The following ASCC3 variants were observed in gnomAD, a reference collection of about 807,000 sequenced individuals.
ASCC3 encodes the protein ASC-1 complex subunit P200.
Under a neutral mutation model 256.3 loss-of-function variants are expected in ASCC3, and 158 were observed. That is an observed-to-expected ratio of 0.62 (90% CI 0.54 to 0.70). ASCC3 has a LOEUF of 0.70. ASCC3 is among the 30% of genes least tolerant of loss of function. ASCC3 has a pLI of 0.00. For missense variants in ASCC3, 2,259 were observed against 2,626.0 expected (o/e 0.86, Z 3.05); for synonymous variants, 948 against 883.4 (o/e 1.07, Z -1.30).
intron 4 of ASCC3, among the ~76,000 whole-genome samples, chr6:100,830,396 C>A (rs1185171293): frequency 6.6e-6 from 1 of 152,118 alleles, no homozygotes; most frequent in African/African-American, 2.4e-5. Context: ...CTAAAACCCA[C>A]TACATAGATA....
chr6:100,516,920 G>T (rs961889858), intron 38 of ASCC3, among the ~76,000 whole-genome samples: 4 of 151,988 alleles, frequency 2.6e-5, no homozygotes, highest in African/African-American at 9.7e-5. Context: ...TACCATAGCA[G>T]ACCTGTGTGC....
Position 100,607,081 on chromosome 6 carries a change from T to C in ASCC3, c.4793A>G (p.Asn1598Ser). 3 of 1,613,582 alleles carry C rather than the reference T, an allele frequency of 1.9e-6. No homozygotes were observed. The highest frequency in any genetic ancestry group is 2.2e-5 in the East Asian group (1 of 44,800). Residue 1598 changes from asparagine to serine, a missense_variant, in exon 31 of 42, where the codon AAC (asparagine) becomes AGC (serine). Physicochemically the swap from Asn to Ser is conservative, Grantham distance 46. Around this residue, in one of 2 missense-constraint regions of ASCC3, gnomAD observed 1,839 missense variants for 2,206.7 expected, o/e 0.83. Coordinates refer to ENST00000369162, the MANE Select transcript of ASCC3 (RefSeq NM_006828.4). ...WLNMDEREME[N>S]IIATVRDSNL... is the part of the protein sequence containing the mutation. ...GGAATCTCTTACTGTTGCAATGATG[T>C]TCTCCATCTGCAAGTAAAAACAAAA...
chr6:100,603,897 T>C (rs1772751424), intron 33 of ASCC3, among the ~76,000 whole-genome samples: 1 of 152,104 alleles, frequency 6.6e-6, no homozygotes, highest in South Asian at 2.1e-4. Flanking sequence ...TATTCCCTTC[T>C]CGTAAATTTT....
intron 10 of ASCC3, among the ~76,000 whole-genome samples, chr6:100,738,123 T>C (rs762809385): frequency 4.6e-5 from 7 of 152,178 alleles, no homozygotes; most frequent in Non-Finnish European, 4.4e-5. Flanking sequence ...TATAAGACCT[T>C]TGTCAGATGG....
chr6:100,652,980 T>C lies in ASCC3; in HGVS notation c.2824-91A>G, dbSNP rs544424987. ...TTATTTATGGAAATTAAAACTTTTCTTAATGTTTTAGTTAGACTTTTTAAT... is the reference window on the plus strand; with the variant it reads ...TTATTTATGGAAATTAAAACTTTTCCTAATGTTTTAGTTAGACTTTTTAAT... On this transcript the variant is annotated intron_variant, in intron 17 of 41. Transcript: ENST00000369162. 6.3e-6 allele frequency: 8 copies of C among 1,271,434 alleles called. No homozygotes were observed. The African/African-American group carries it at 8.9e-5, about 14-fold the overall frequency. The allele number at this position is 1,271,434 out of a possible 1,614,324, so 78.8% of individuals were successfully genotyped here.
intron 34 of ASCC3, among the ~76,000 whole-genome samples, chr6:100,590,304 T>A (rs183960725): frequency 1.3e-3 from 199 of 152,176 alleles, no homozygotes; most frequent in Non-Finnish European, 2.5e-3. Context: ...AGAAGGGACA[T>A]CATCAGGGTA....
In ASCC3 at chr6:100,718,247, T is replaced by G; in HGVS notation, c.1907A>C (p.Glu636Ala). Residue 636 changes from glutamate (E) to alanine (A), a missense_variant, in exon 12 of 42, where the codon GAA (glutamate) becomes GCA (alanine). This residue lies in a region of ASCC3 where 1,839 missense variants were observed against 2,206.7 expected (regional missense o/e 0.83). Transcript: ENST00000369162. Reference protein sequence around the residue: ...SIVARTLRQVESTQSMIRILG... With the variant: ...SIVARTLRQVASTQSMIRILG... ...AATCCTTATCATACTCTGTGTGGAT[T>G]CCACCTATATGGATTATTTTAATTA... 1.3e-6 allele frequency: 2 copies of G among 1,599,656 alleles called. No individual in the cohort carries two copies. Among genetic ancestry groups the G allele is most frequent in the Non-Finnish European group, 1.7e-6 (2 of 1,171,788 alleles).
chr6:100,811,412 T>C (rs1315768011), intron 4 of ASCC3, among the ~76,000 whole-genome samples: 1 of 152,106 alleles, frequency 6.6e-6, no homozygotes, highest in Non-Finnish European at 1.5e-5. Flanking sequence ...AAGTTCAAAA[T>C]ATTCTGATCA....
chr6:100,779,360 T>C (rs1782340847), intron 8 of ASCC3, among the ~76,000 whole-genome samples: 7 of 152,156 alleles, frequency 4.6e-5, no homozygotes, highest in Admixed American at 4.6e-4. Flanking sequence ...CCCAAGTTGC[T>C]GGGATTCCCC....
intron 10 of ASCC3, among the ~76,000 whole-genome samples, chr6:100,731,782 C>T (rs780424774): frequency 3.3e-5 from 5 of 152,162 alleles, no homozygotes; most frequent in Non-Finnish European, 5.9e-5. Context: ...CAACTTTGAA[C>T]ATTTGACAGT....
intron 30 of ASCC3, among the ~76,000 whole-genome samples, chr6:100,611,235 T>A (rs1173462847): frequency 6.6e-6 from 1 of 152,150 alleles, no homozygotes; most frequent in African/African-American, 2.4e-5. Flanking sequence ...ATGAAGACAA[T>A]CGCACACACA....
intron 3 of ASCC3, 108 bp downstream of exon 3, chr6:100,863,956 G>T: frequency 9.6e-7 from 1 of 1,039,478 alleles, no homozygotes; most frequent in Non-Finnish European, 1.4e-6. Context: ...ATACTTAGAT[G>T]CCAGGAAATT....
chr6:100,516,119 A>G, intron 39 of ASCC3, 61 bp downstream of exon 39: 1 of 1,608,150 alleles, frequency 6.2e-7, no homozygotes. Flanking sequence ...TAAGTTAGAA[A>G]ACTCTTGGTA....
In ASCC3 at chr6:100,509,376, T is replaced by C; in HGVS notation, c.*10A>G. On this transcript the variant is annotated 3_prime_UTR_variant, in exon 42 of 42. Transcript: ENST00000369162. ...TAGCCACTCCTTTCAAATGGATTGT[T>C]CAGGTCAAGTTACTTTAATGCCAGG... 6.2e-7 allele frequency: 1 copy of C among 1,614,052 alleles called. No homozygotes were observed. The highest frequency in any genetic ancestry group is 8.5e-7 in the Non-Finnish European group (1 of 1,179,936).
At chr6:100,734,889 C>CACCT (rs1249340433) in intron 10 of ASCC3, among the ~76,000 whole-genome samples, 2 of 152,136 alleles carry the variant, frequency 1.3e-5, no homozygotes, top group Non-Finnish European at 2.9e-5. Context: ...AACAGAATAT[C>CACCT]ACCTTTTACT....
At chr6:100,581,340 G>T in intron 36 of ASCC3, among the ~76,000 whole-genome samples, 1 of 152,120 alleles carries the variant, frequency 6.6e-6, no homozygotes, top group East Asian at 1.9e-4. Context: ...CAGTGATGGT[G>T]AGCATTTTTT....
At position 100,715,338 on chromosome 6, in the gene ASCC3, T is replaced by C. The variant is rs1779041159; in HGVS notation, c.2151+124A>G. ...AGCAGTTATTAAGAATTAGAACCTC[T>C]GAGTCATTGCCTCAGAATTAAAGAA... On this transcript the variant is annotated intron_variant, in intron 13 of 41. Coordinates refer to ENST00000369162, the MANE Select transcript of ASCC3 (RefSeq NM_006828.4). The C allele has an allele frequency of 7.8e-6, 6 of 766,910 alleles. No individual in the cohort carries two copies. In the South Asian group the frequency reaches 9.6e-5, roughly 12 times the overall value. The allele number at this position is 766,910 out of a possible 1,614,324, so 47.5% of individuals were successfully genotyped here.
chr6:100,682,451 A>G (rs1329001867), intron 13 of ASCC3, among the ~76,000 whole-genome samples: 1 of 152,228 alleles, frequency 6.6e-6, no homozygotes, highest in African/African-American at 2.4e-5. Context: ...GGTCTCTTCC[A>G]TTAAAAACCT....
intron 36 of ASCC3, among the ~76,000 whole-genome samples, chr6:100,584,962 T>C (rs1771565994): frequency 6.6e-6 from 1 of 152,240 alleles, no homozygotes; most frequent in Admixed American, 6.5e-5. Context: ...GTTAGTCTGA[T>C]GGGCTTCCCT....
Sources: gnomAD v4.1 joint callset for allele counts (sites outside exome capture counted in the v4.1 genomes callset) on GRCh38, gnomAD v4.1.1 for gene constraint, gnomAD v4.1.1 regional missense constraint, MANE v1.5 for transcripts, NCBI Gene and HGNC (gene_info 2026-07-23, HGNC 2026-07-21) for gene names.